The following RIC8B variants were observed in gnomAD, a reference collection of about 807,000 sequenced individuals.
RIC8B encodes the protein RIC8 guanine nucleotide exchange factor B.
A neutral mutation model predicts 57.5 loss-of-function variants in RIC8B; 16 were observed. The observed-to-expected ratio is 0.28, with a 90% CI of 0.19 to 0.42. The LOEUF (loss-of-function observed/expected upper bound fraction) is 0.42, where lower values mean the gene tolerates loss of function less well. RIC8B is among the 10% of genes least tolerant of loss of function. The pLI, the probability that RIC8B is intolerant of heterozygous loss-of-function variation, is 1.00. For synonymous variants in RIC8B, 216 were observed against 250.8 expected (o/e 0.86, Z 1.31); for missense variants, 481 against 677.0 (o/e 0.71, Z 3.21).
chr12:106,786,488 A>T (rs895961620), intron 2 of RIC8B, among the ~76,000 whole-genome samples: 1 of 152,108 alleles, frequency 6.6e-6, no homozygotes, highest in African/African-American at 2.4e-5. Flanking sequence ...GGAAATAAAT[A>T]CTCATATATC....
At chr12:106,795,129 A>G (rs1053486633) in intron 2 of RIC8B, among the ~76,000 whole-genome samples, 1 of 152,206 alleles carries the variant, frequency 6.6e-6, no homozygotes, top group Non-Finnish European at 1.5e-5. Flanking sequence ...AAAGCTATAA[A>G]TGTATACTTG....
At chr12:106,874,614 TG>T in intron 9 of RIC8B, 1 of 1,323,352 alleles carries the variant, frequency 7.6e-7, no homozygotes, top group Non-Finnish European at 1.1e-6. Flanking sequence ...AGGGTATAGA[TG>T]TTATTCACTA....
intron 4 of RIC8B, among the ~76,000 whole-genome samples, chr12:106,827,921 C>T (rs1260280813): frequency 6.6e-6 from 1 of 152,064 alleles, no homozygotes; most frequent in Admixed American, 6.6e-5. Flanking sequence ...ACCAAAATTG[C>T]TATACTAGTC....
intron 8 of RIC8B, among the ~76,000 whole-genome samples, chr12:106,864,270 A>G (rs185475520): frequency 2.0e-5 from 3 of 152,234 alleles, no homozygotes; most frequent in East Asian, 3.9e-4. Flanking sequence ...TTTTTAGTTA[A>G]TGAAGATTAC....
intron 1 of RIC8B, among the ~76,000 whole-genome samples, chr12:106,778,129 T>A (rs1319497367): frequency 1.3e-5 from 2 of 152,204 alleles, no homozygotes; most frequent in African/African-American, 4.8e-5. Context: ...AACAAAAAAA[T>A]TAAACGTGGC....
intron 2 of RIC8B, among the ~76,000 whole-genome samples, chr12:106,793,088 G>A (rs950142116): frequency 1.3e-5 from 2 of 152,108 alleles, no homozygotes; most frequent in African/African-American, 4.8e-5. Flanking sequence ...CTTCCTCATG[G>A]GATAGCAGCT....
intron 1 of RIC8B, 106 bp from the exon 2 acceptor site, chr12:106,783,891 A>C: frequency 5.3e-6 from 5 of 941,710 alleles, no homozygotes; most frequent in Non-Finnish European, 6.6e-6. Context: ...AGATACGGGA[A>C]GGCAACATTT....
At chr12:106,870,732 CTT>C in intron 8 of RIC8B, 89 bp from the exon 9 acceptor site, 1 of 1,085,070 alleles carries the variant, frequency 9.2e-7, no homozygotes, top group Non-Finnish European at 1.2e-6. Context: ...CTATTATACT[CTT>C]TCTTATTATC....
chr12:106,878,002 G>A (rs1447346909), intron 9 of RIC8B, among the ~76,000 whole-genome samples: 1 of 152,116 alleles, frequency 6.6e-6, no homozygotes, highest in Non-Finnish European at 1.5e-5. Context: ...ATATCAATTT[G>A]TCTTGGGTAA....
Position 106,842,439 on chromosome 12 carries a change from G to A in RIC8B, c.837-150G>A, listed in dbSNP as rs964886106. The A allele has an allele frequency of 1.2e-5, 7 of 586,200 alleles. No individual in the cohort carries two copies. The Admixed American group carries it at 1.8e-4, about 15-fold the overall frequency. The allele number at this position is 586,200 out of a possible 1,614,324, so 36.3% of individuals were successfully genotyped here. A position where few individuals can be genotyped will look rare whatever the true frequency, so the allele number is the denominator to read the frequency against. On this transcript the variant is annotated intron_variant, in intron 4 of 9. Coordinates refer to ENST00000392837, the MANE Select transcript of RIC8B (RefSeq NM_001330145.2). ...ACAGTTTTTTATTTCCTATCTCATA[G>A]TAAGTGTCAAGTGTCCATAATGGCT...
chr12:106,819,703 T>A (rs2136304589), intron 3 of RIC8B, among the ~76,000 whole-genome samples: 1 of 146,962 alleles, frequency 6.8e-6, no homozygotes, highest in East Asian at 2.0e-4. Context: ...AAGGCTGCAT[T>A]ACCGCATTCC....
chr12:106,885,333 G>C (rs1159549505), intron 9 of RIC8B, among the ~76,000 whole-genome samples: 1 of 152,090 alleles, frequency 6.6e-6, no homozygotes, highest in Non-Finnish European at 1.5e-5. Context: ...AGGAAAGAAA[G>C]AGTGAAAGAG....
At chr12:106,877,917 G>A (rs1047786560) in intron 9 of RIC8B, among the ~76,000 whole-genome samples, 2 of 152,076 alleles carry the variant, frequency 1.3e-5, no homozygotes, top group Non-Finnish European at 2.9e-5. Flanking sequence ...CCAAACAATT[G>A]GACATCCCTG....
chr12:106,809,303 C>T (rs1262028190), intron 2 of RIC8B, among the ~76,000 whole-genome samples: 4 of 152,100 alleles, frequency 2.6e-5, no homozygotes, highest in African/African-American at 9.7e-5. Flanking sequence ...GTGGGAGGAT[C>T]ACCTGAGGTC....
chr12:106,863,915 C>CTT lies in RIC8B; in HGVS notation c.1451+3508_1451+3509dup, dbSNP rs779144251. Reference sequence around the variant, plus strand: ...ATAATTTAAAAAGGCATTTTGAGGTCTTTTTTGTTTTATTGCCTAGATGCA... The same window carrying CTT: ...ATAATTTAAAAAGGCATTTTGAGGTCTTTTTTTTGTTTTATTGCCTAGATGCA... On this transcript the variant is annotated intron_variant, in intron 8 of 9. Coordinates refer to ENST00000392837, the MANE Select transcript of RIC8B (RefSeq NM_001330145.2). 1.5e-4 allele frequency among the ~76,000 whole-genome samples: 23 copies of CTT among 152,082 alleles called. 1 individual carries two copies. The East Asian group carries it at 3.9e-3, about 26-fold the overall frequency.
intron 2 of RIC8B, among the ~76,000 whole-genome samples, chr12:106,803,046 TTTAAAA>T (rs1318605616): frequency 1.3e-5 from 2 of 151,566 alleles, no homozygotes; most frequent in African/African-American, 4.9e-5. Context: ...AGACCCTGTC[TTTAAAA>T]GTAAAAAAAA....
At chr12:106,855,476 T>C (rs1255485225) in intron 7 of RIC8B, among the ~76,000 whole-genome samples, 2 of 152,140 alleles carry the variant, frequency 1.3e-5, no homozygotes, top group Non-Finnish European at 2.9e-5. Context: ...TCCATAACCA[T>C]TCACTACCCA....
At position 106,784,014 on chromosome 12, in the gene RIC8B, A is replaced by G. The variant is rs745414640; in HGVS notation, c.102A>G (p.Lys34=). ...DYSDKHRATF[K]FESTDEDKRK... is the part of the protein sequence containing the mutation. ...CCCCTCAGCATAGGGCTACTTTCAA[A>G]TTTGAATCAACAGATGAAGATAAAA... Residue 34 remains lysine (K), a synonymous_variant, in exon 2 of 10, where the codon AAA becomes AAG. Transcript: ENST00000392837. 2 of 1,613,886 alleles carry G rather than the reference A, an allele frequency of 1.2e-6. No homozygotes were observed. Among genetic ancestry groups the G allele is most frequent in the Non-Finnish European group, 1.7e-6 (2 of 1,179,842 alleles).
At position 106,888,191 on chromosome 12, in the gene RIC8B, A is replaced by G. The variant is rs1051101405; in HGVS notation, c.*2176A>G. 6 of 152,296 alleles carry G rather than the reference A, an allele frequency of 3.9e-5. No individual in the cohort carries two copies. The highest frequency in any genetic ancestry group is 5.9e-5 in the Non-Finnish European group (4 of 68,046). 9.4% of individuals were successfully genotyped at this position (152,296 alleles called of 1,614,324 possible). A position where few individuals can be genotyped will look rare whatever the true frequency, so the allele number is the denominator to read the frequency against. On this transcript the variant is annotated 3_prime_UTR_variant, in exon 10 of 10. Transcript: ENST00000392837. ...CTTTATGCAGAGTAAGTGTTTGAAC[A>G]GTCCTGTTTCAGTAGCTGTGCTCTT...
Sources: gnomAD v4.1 joint callset for allele counts (sites outside exome capture counted in the v4.1 genomes callset) on GRCh38, gnomAD v4.1.1 for gene constraint, MANE v1.5 for transcripts, NCBI Gene and HGNC (gene_info 2026-07-23, HGNC 2026-07-21) for gene names.